NEGR1: variants seen among roughly 807,000 people sequenced by gnomAD.
NEGR1 encodes neuronal growth regulator 1, also known as IgLON family member 4.
In NEGR1, 10 loss-of-function variants were observed where a neutral mutation model predicts 40.9. That is an observed-to-expected ratio of 0.24 (90% CI 0.15 to 0.42). The LOEUF (loss-of-function observed/expected upper bound fraction) is 0.42, where lower values mean the gene tolerates loss of function less well. Among genes scored for constraint, NEGR1 ranks in the 10% least tolerant of loss-of-function variants. The probability of loss-of-function intolerance (pLI) is 1.00; values close to 1 mark genes in which losing one functional copy is unlikely to be tolerated. For synonymous variants in NEGR1, 185 were observed against 166.8 expected (o/e 1.11, Z -0.84); for missense variants, 352 against 438.9 (o/e 0.80, Z 1.77).
rs144993912 is a variant in NEGR1 at position 71,532,667 on chromosome 1, G to A, written c.940+60150C>T. 1.6e-3 allele frequency among the ~76,000 whole-genome samples: 239 copies of A among 151,658 alleles called. 3 individuals carry two copies. The highest frequency in any genetic ancestry group is 7.3e-3 in the East Asian group (37 of 5,102). Reference sequence around the variant, plus strand: ...TGCCCTACAGAATGAAATCAAAGACGTAAACTTCAAATCAGGGTCAGATCA... The same window carrying A: ...TGCCCTACAGAATGAAATCAAAGACATAAACTTCAAATCAGGGTCAGATCA... On this transcript the variant is annotated intron_variant, in intron 6 of 6. Transcript: ENST00000357731.
intron 1 of NEGR1, among the ~76,000 whole-genome samples, chr1:72,119,574 A>T (rs998489660): frequency 5.3e-5 from 8 of 151,958 alleles, no homozygotes; most frequent in African/African-American, 1.9e-4. Flanking sequence ...GAAATATGTC[A>T]AAAGGTAGTA....
At chr1:72,026,553 A>C (rs746148883) in intron 1 of NEGR1, among the ~76,000 whole-genome samples, 6 of 151,918 alleles carry the variant, frequency 3.9e-5, no homozygotes, top group East Asian at 1.9e-4. Context: ...ACAACAACAA[A>C]AAAAACCCTC....
chr1:71,914,264 G>T (rs986257996), intron 2 of NEGR1, among the ~76,000 whole-genome samples: 6 of 152,114 alleles, frequency 3.9e-5, no homozygotes, highest in African/African-American at 1.4e-4. Flanking sequence ...GACTCATCTT[G>T]GGGCCAGCTT....
chr1:71,904,766 G>T (rs1181340641), intron 2 of NEGR1, among the ~76,000 whole-genome samples: 1 of 152,074 alleles, frequency 6.6e-6, no homozygotes, highest in Non-Finnish European at 1.5e-5. Flanking sequence ...TATCCAGAAA[G>T]AACTCAAAAT....
intron 2 of NEGR1, among the ~76,000 whole-genome samples, chr1:71,844,605 C>T (rs903578217): frequency 5.9e-5 from 9 of 152,118 alleles, no homozygotes; most frequent in Non-Finnish European, 8.8e-5. Context: ...CCCGTTTGCA[C>T]GTATTGAAAC....
chr1:72,203,532 GTGA>G (rs1209003606), intron 1 of NEGR1, among the ~76,000 whole-genome samples: 1 of 152,078 alleles, frequency 6.6e-6, no homozygotes, highest in Non-Finnish European at 1.5e-5. Context: ...TCTACTCCTG[GTGA>G]TGATGTGTGA....
intron 1 of NEGR1, among the ~76,000 whole-genome samples, chr1:72,196,048 T>A (rs552507474): frequency 2.0e-5 from 3 of 152,116 alleles, no homozygotes; most frequent in Non-Finnish European, 4.4e-5. Flanking sequence ...ATGCACAATC[T>A]TTAAAAAAAT....
At chr1:71,866,479 A>C (rs1660116684) in intron 2 of NEGR1, among the ~76,000 whole-genome samples, 1 of 152,220 alleles carries the variant, frequency 6.6e-6, no homozygotes, top group South Asian at 2.1e-4. Context: ...GATAAAAGGC[A>C]ATAGCTATTT....
chr1:71,975,382 A>C (rs1005397638), intron 1 of NEGR1, among the ~76,000 whole-genome samples: 1 of 152,192 alleles, frequency 6.6e-6, no homozygotes, highest in African/African-American at 2.4e-5. Flanking sequence ...GGATATTAAA[A>C]AATACTGCAA....
intron 6 of NEGR1, among the ~76,000 whole-genome samples, chr1:71,510,710 G>A (rs576665508): frequency 1.5e-4 from 23 of 152,260 alleles, no homozygotes; most frequent in Admixed American, 5.9e-4. Context: ...AGGGACTTGC[G>A]TTCTAGGAGA....
intron 1 of NEGR1, among the ~76,000 whole-genome samples, chr1:72,190,570 A>G (rs1224517763): frequency 2.0e-5 from 3 of 151,628 alleles, no homozygotes; most frequent in Admixed American, 6.6e-5. Context: ...TAATCACACA[A>G]TTTTACTTTC....
chr1:72,077,649 TAA>T (rs1647805156), intron 1 of NEGR1, among the ~76,000 whole-genome samples: 1 of 150,592 alleles, frequency 6.6e-6, no homozygotes, highest in Non-Finnish European at 1.5e-5. Flanking sequence ...AATAAATAAA[TAA>T]ATAAATAAAT....
chr1:72,128,955 A>C (rs1650136607), intron 1 of NEGR1, among the ~76,000 whole-genome samples: 2 of 152,142 alleles, frequency 1.3e-5, no homozygotes, highest in Non-Finnish European at 2.9e-5. Context: ...CTGAGACCTC[A>C]TGACTTCAGA....
At chr1:72,052,124 C>T (rs1312456040) in intron 1 of NEGR1, among the ~76,000 whole-genome samples, 1 of 151,354 alleles carries the variant, frequency 6.6e-6, no homozygotes, top group Non-Finnish European at 1.5e-5. Context: ...CTATTTTATC[C>T]AAGTTGCTAT....
intron 1 of NEGR1, among the ~76,000 whole-genome samples, chr1:72,023,816 G>A (rs1646781399): frequency 6.6e-6 from 1 of 151,906 alleles, no homozygotes; most frequent in Non-Finnish European, 1.5e-5. Context: ...GAGTATAAGG[G>A]ACTAGTAAAT....
intron 4 of NEGR1, among the ~76,000 whole-genome samples, chr1:71,660,504 C>T (rs80091241): frequency 6.6e-6 from 1 of 151,948 alleles, no homozygotes; most frequent in Non-Finnish European, 1.5e-5. Flanking sequence ...AAAAAAAAGT[C>T]TCTTTACAGA....
intron 2 of NEGR1, among the ~76,000 whole-genome samples, chr1:71,876,134 T>A (rs544965184): frequency 6.6e-6 from 1 of 152,282 alleles, no homozygotes; most frequent in Non-Finnish European, 1.5e-5. Context: ...TTAAATTTTT[T>A]AACATATTAA....
At chr1:71,611,865 G>C (rs1570104282) in intron 4 of NEGR1, among the ~76,000 whole-genome samples, 1 of 151,992 alleles carries the variant, frequency 6.6e-6, no homozygotes, top group African/African-American at 2.4e-5. Context: ...GCTGGAAAAA[G>C]TTTCCCCGCC....
intron 1 of NEGR1, among the ~76,000 whole-genome samples, chr1:72,108,441 A>C (rs1166999721): frequency 4.0e-5 from 6 of 151,636 alleles, no homozygotes; most frequent in Non-Finnish European, 8.9e-5. Context: ...CAATATGATT[A>C]ATTGGTTTGT....
Sources: allele counts gnomAD v4.1 joint callset (sites outside exome capture counted in the v4.1 genomes callset), GRCh38; gene constraint gnomAD v4.1.1; transcripts MANE v1.5; gene names NCBI Gene and HGNC (gene_info 2026-07-23, HGNC 2026-07-21).